PAX2: variants seen among roughly 807,000 people sequenced by gnomAD.
PAX2 encodes paired box 2.
PAX2 carries 9 observed loss-of-function variants against 41.7 expected under a neutral mutation model. The ratio of observed to expected loss-of-function variants is 0.22; its 90% CI spans 0.13 to 0.38. PAX2 has a LOEUF of 0.38. Among genes scored for constraint, PAX2 ranks in the 10% least tolerant of loss-of-function variants. PAX2 has a pLI of 1.00. For synonymous variants in PAX2, 221 were observed against 212.7 expected (o/e 1.04, Z -0.34); for missense variants, 418 against 531.6 (o/e 0.79, Z 2.10).
chr10:100,735,802 C>A, intron 1 of PAX2: 1 of 950,398 alleles, frequency 1.1e-6, no homozygotes, highest in African/African-American at 1.7e-5. Context: ...GCGGCCATGG[C>A]CGGGGCGGGC....
rs1848616573 is a variant in PAX2 at position 100,827,492 on chromosome 10, C to T, written c.1109-51C>T. On this transcript the variant is annotated intron_variant, in intron 9 of 9. Transcript: ENST00000355243. This position sits in a 1 kb window ranked among gnomAD's most constrained non-coding sequence, Gnocchi z 8.5. ...CTGTGCTTTTCTTTCCTTTTTTGTT[C>T]TCCTGTTTGTCCTCTCACCCAGCCC... is the stretch of plus-strand genomic sequence containing the variant. 6.4e-7 allele frequency: 1 copy of T among 1,574,696 alleles called. No homozygotes were observed. Among genetic ancestry groups the T allele is most frequent in the Non-Finnish European group, 8.7e-7 (1 of 1,144,304 alleles).
chr10:100,790,228 G>C (rs1201725102), intron 5 of PAX2, among the ~76,000 whole-genome samples: 1 of 152,198 alleles, frequency 6.6e-6, no homozygotes, highest in Admixed American at 6.5e-5. Flanking sequence ...CCTACCAGGA[G>C]AGAATATACA....
chr10:100,813,489 A>G lies in PAX2; in HGVS notation c.919+4253A>G, dbSNP rs997349215. On this transcript the variant is annotated intron_variant, in intron 7 of 9. Coordinates refer to ENST00000355243, the MANE Select transcript of PAX2 (RefSeq NM_000278.5). ...GGAGGGAGATGCTGACTGGGAGAGG[A>G]TGGGGTTGTAACACACCAGTCAGGG... 5.9e-5 allele frequency among the ~76,000 whole-genome samples: 9 copies of G among 152,202 alleles called. No individual in the cohort carries two copies. In the South Asian group the frequency reaches 1.9e-3, roughly 32 times the overall value.
intron 3 of PAX2, among the ~76,000 whole-genome samples, chr10:100,751,798 GT>G (rs1845453334): frequency 6.6e-6 from 1 of 152,146 alleles, no homozygotes; most frequent in South Asian, 2.1e-4. Context: ...ACCCAGGCTG[GT>G]TTCAAGATCA....
intron 1 of PAX2, chr10:100,749,130 A>C: frequency 1.0e-6 from 1 of 985,630 alleles, no homozygotes; most frequent in Non-Finnish European, 1.2e-6. Flanking sequence ...CTTCCCATCA[A>C]AAACAAACAA....
At chr10:100,794,390 G>A (rs1847248745) in intron 5 of PAX2, among the ~76,000 whole-genome samples, 1 of 152,086 alleles carries the variant, frequency 6.6e-6, no homozygotes, top group Non-Finnish European at 1.5e-5. Flanking sequence ...AGAGGTAATG[G>A]CATTTGCCAC....
intron 3 of PAX2, among the ~76,000 whole-genome samples, chr10:100,759,978 A>G (rs1020574491): frequency 6.6e-6 from 1 of 152,172 alleles, no homozygotes; most frequent in Admixed American, 6.5e-5. Flanking sequence ...GGCCTGCAGG[A>G]CATGGAGGCG....
chr10:100,788,896 C>T (rs893848774), intron 5 of PAX2, among the ~76,000 whole-genome samples: 3 of 151,982 alleles, frequency 2.0e-5, no homozygotes, highest in East Asian at 1.9e-4. Context: ...ACATGCACAC[C>T]GACACACACA....
intron 3 of PAX2, among the ~76,000 whole-genome samples, chr10:100,762,626 G>A (rs1845879936): frequency 6.6e-6 from 1 of 152,154 alleles, no homozygotes; most frequent in Non-Finnish European, 1.5e-5. Context: ...GACACTGAAA[G>A]ATAGCTATGC....
In PAX2 at chr10:100,809,255, G is replaced by T. The variant is rs1051783292; in HGVS notation, c.919+19G>T. 1.2e-6 allele frequency: 2 copies of T among 1,611,308 alleles called. No homozygotes were observed. On this transcript the variant is annotated intron_variant, in intron 7 of 9. Transcript: ENST00000355243. ...GTGACTGGTAAGGGGGCTTCCAGGA[G>T]GGTGGGGGCACTGCGTTCAGTGGAG...
At chr10:100,742,310 C>G (rs1844984176), upstream of PAX2, among the ~76,000 whole-genome samples, 1 of 151,174 alleles carries the variant, frequency 6.6e-6, no homozygotes, top group African/African-American at 2.4e-5. Context: ...TGGAGTCGCG[C>G]TTGGCTTGGC....
intron 1 of PAX2, among the ~76,000 whole-genome samples, chr10:100,736,452 A>C (rs1470404007): frequency 1.3e-5 from 2 of 152,174 alleles, no homozygotes; most frequent in East Asian, 3.8e-4. Flanking sequence ...CCAGGCACCC[A>C]AGTTTAGTTT....
Position 100,745,891 on chromosome 10 carries a change from T to C in PAX2, c.-370T>C. Reference sequence around the variant, plus strand: ...GACCACCGCCTCTCGGATGACCAGGTTCCAGGGGAGCTGAGCGAGTCGCCT... The same window carrying C: ...GACCACCGCCTCTCGGATGACCAGGCTCCAGGGGAGCTGAGCGAGTCGCCT... On this transcript the variant is annotated 5_prime_UTR_variant, in exon 1 of 10. Coordinates refer to ENST00000355243, the MANE Select transcript of PAX2 (RefSeq NM_000278.5). 1 of 1,123,726 alleles carries C rather than the reference T, an allele frequency of 8.9e-7. No homozygotes were observed. The highest frequency in any genetic ancestry group is 2.9e-5 in the South Asian group (1 of 34,812). The allele number at this position is 1,123,726 out of a possible 1,614,324, so 69.6% of individuals were successfully genotyped here.
At chr10:100,755,064 G>A (rs1442584240) in intron 3 of PAX2, among the ~76,000 whole-genome samples, 3 of 152,164 alleles carry the variant, frequency 2.0e-5, no homozygotes, top group East Asian at 1.9e-4. Flanking sequence ...GAGAAGCCTC[G>A]CTCACCTGTC....
At chr10:100,805,829 G>A (rs577049276) in intron 5 of PAX2, among the ~76,000 whole-genome samples, 3 of 152,266 alleles carry the variant, frequency 2.0e-5, no homozygotes, top group South Asian at 2.1e-4. Context: ...CTTTCCTCCC[G>A]CTTGGTTTCC....
chr10:100,794,369 A>G (rs1463790625), intron 5 of PAX2, among the ~76,000 whole-genome samples: 1 of 152,204 alleles, frequency 6.6e-6, no homozygotes, highest in East Asian at 1.9e-4. Context: ...CAGTTTCCTC[A>G]TCTTTAAAAT....
chr10:100,769,153 T>C (rs1172457507), intron 3 of PAX2, among the ~76,000 whole-genome samples: 2 of 152,238 alleles, frequency 1.3e-5, no homozygotes, highest in African/African-American at 4.8e-5. Context: ...TTAACAGCTG[T>C]GTGACCTTCC....
chr10:100,741,996 C>A (rs113066593), upstream of PAX2, among the ~76,000 whole-genome samples: 5 of 152,312 alleles, frequency 3.3e-5, no homozygotes, highest in African/African-American at 1.2e-4. Flanking sequence ...GGGGGAGGGG[C>A]GCGGCTGGGA....
intron 5 of PAX2, among the ~76,000 whole-genome samples, chr10:100,794,980 C>T (rs1309372069): frequency 6.6e-6 from 1 of 152,126 alleles, no homozygotes; most frequent in Non-Finnish European, 1.5e-5. Flanking sequence ...TATCATCATC[C>T]AACTAGTTTT....
Sources: gnomAD v4.1 joint callset for allele counts (sites outside exome capture counted in the v4.1 genomes callset) on GRCh38, gnomAD v4.1.1 for gene constraint, Gnocchi (gnomAD v3.1) non-coding constraint, MANE v1.5 for transcripts, NCBI Gene and HGNC (gene_info 2026-07-23, HGNC 2026-07-21) for gene names.